The following CREB3L1 variants were observed in gnomAD, a reference collection of about 807,000 sequenced individuals.
CREB3L1 encodes the protein cAMP responsive element binding protein 3 like 1.
CREB3L1 carries 33 observed loss-of-function variants against 54.5 expected under a neutral mutation model. The ratio of observed to expected loss-of-function variants is 0.61; its 90% CI spans 0.46 to 0.81. The LOEUF is 0.81. Among genes scored for constraint, CREB3L1 ranks in the 30% least tolerant of loss-of-function variants. CREB3L1 has a pLI of 0.00. For missense variants in CREB3L1, 656 were observed against 673.3 expected, an observed-to-expected ratio of 0.97 and a Z score of 0.29; for synonymous variants, 284 against 286.4, an observed-to-expected ratio of 0.99 and a Z score of 0.08.
chr11:46,300,198 C>T (rs1414948193), intron 2 of CREB3L1, 35 bp downstream of exon 2: 3 of 1,469,180 alleles, frequency 2.0e-6, no homozygotes, highest in Non-Finnish European at 2.8e-6. Context: ...CAGCACAGGC[C>T]CAGGAGGCCC....
intron 2 of CREB3L1, among the ~76,000 whole-genome samples, chr11:46,307,214 C>G (rs988974322): frequency 6.6e-6 from 1 of 152,072 alleles, no homozygotes; most frequent in Non-Finnish European, 1.5e-5. Context: ...TCCTGAGTAG[C>G]TGGGATTATA....
intron 1 of CREB3L1, among the ~76,000 whole-genome samples, chr11:46,280,000 G>C (rs973980216): frequency 3.9e-5 from 6 of 152,178 alleles, no homozygotes; most frequent in Admixed American, 3.9e-4. Context: ...CCCTGCTGGG[G>C]AGGCTCCTGA....
chr11:46,282,650 A>G (rs1566178685), intron 1 of CREB3L1, among the ~76,000 whole-genome samples: 1 of 152,022 alleles, frequency 6.6e-6, no homozygotes, highest in Non-Finnish European at 1.5e-5. Flanking sequence ...CTCCCTGACT[A>G]CCTAAAGTGG....
intron 2 of CREB3L1, among the ~76,000 whole-genome samples, chr11:46,303,123 AG>A (rs934628531): frequency 6.6e-6 from 1 of 152,222 alleles, no homozygotes; most frequent in African/African-American, 2.4e-5. Flanking sequence ...TTGCCAGTCA[AG>A]AAGGGCAGCC....
At chr11:46,300,944 G>T (rs1297384137) in intron 2 of CREB3L1, among the ~76,000 whole-genome samples, 11 of 147,632 alleles carry the variant, frequency 7.5e-5, no homozygotes, top group Non-Finnish European at 1.2e-4. Context: ...GGCGGAGCTT[G>T]CAGTGAGCCA....
In CREB3L1 at chr11:46,281,973, A is replaced by G. The variant is rs573416466; in HGVS notation, c.102+3760A>G. Among the ~76,000 whole-genome samples, 9 of 152,250 alleles carry G rather than the reference A, an allele frequency of 5.9e-5. 1 individual carries two copies. The South Asian group carries it at 1.9e-3, about 32-fold the overall frequency. On this transcript the variant is annotated intron_variant, in intron 1 of 11. Coordinates refer to ENST00000621158, the MANE Select transcript of CREB3L1 (RefSeq NM_052854.4). ...CCTATTCAGAAAGGAGACCTCTGATACCTACTCTATCAAAACATTAAGTTC... is the reference window on the plus strand; with the variant it reads ...CCTATTCAGAAAGGAGACCTCTGATGCCTACTCTATCAAAACATTAAGTTC...
At chr11:46,289,756 G>A (rs1939105561) in intron 1 of CREB3L1, among the ~76,000 whole-genome samples, 1 of 152,170 alleles carries the variant, frequency 6.6e-6, no homozygotes, top group Admixed American at 6.5e-5. Context: ...AGAAAATGAG[G>A]GGGCTCCAGC....
intron 2 of CREB3L1, among the ~76,000 whole-genome samples, chr11:46,304,949 T>C (rs891543391): frequency 6.6e-6 from 1 of 152,122 alleles, no homozygotes; most frequent in African/African-American, 2.4e-5. Flanking sequence ...TTTGGGAAGA[T>C]TGTGGGTATT....
chr11:46,320,796 G>T lies in CREB3L1; in HGVS notation c.*50G>T. ...GACGGACCCCTGGTACCCAGAAGAG[G>T]AGTTCTTGCTCACTAACCCGGATCC... On this transcript the variant is annotated 3_prime_UTR_variant, in exon 12 of 12. Transcript: ENST00000621158. 1 of 1,592,160 alleles carries T rather than the reference G, an allele frequency of 6.3e-7. No individual in the cohort carries two copies. Among genetic ancestry groups the T allele is most frequent in the Non-Finnish European group, 8.6e-7 (1 of 1,166,714 alleles).
At chr11:46,315,057 T>C in intron 8 of CREB3L1, 1 of 183,640 alleles carries the variant, frequency 5.4e-6, no homozygotes, top group Non-Finnish European at 1.2e-5. Context: ...GAGCCTGTGG[T>C]AGGTCTTTAA....
chr11:46,284,331 C>T (rs534448253), intron 1 of CREB3L1, among the ~76,000 whole-genome samples: 3 of 152,182 alleles, frequency 2.0e-5, no homozygotes, highest in Admixed American at 2.0e-4. Context: ...CAATTTCCCT[C>T]TTCCTTAGTG....
At chr11:46,281,926 G>A (rs1408012337) in intron 1 of CREB3L1, among the ~76,000 whole-genome samples, 1 of 152,122 alleles carries the variant, frequency 6.6e-6, no homozygotes, top group Non-Finnish European at 1.5e-5. Context: ...AAACCTACTG[G>A]AGGAGCCCAA....
intron 10 of CREB3L1, among the ~76,000 whole-genome samples, chr11:46,319,023 T>C (rs1939608417): frequency 6.6e-6 from 1 of 152,140 alleles, no homozygotes; most frequent in Non-Finnish European, 1.5e-5. Context: ...GAGAGCCATG[T>C]GTCTGCTTTT....
chr11:46,301,072 C>T (rs1404947783), intron 2 of CREB3L1, among the ~76,000 whole-genome samples: 2 of 146,600 alleles, frequency 1.4e-5, no homozygotes, highest in East Asian at 2.0e-4. Flanking sequence ...CCCAGCTACT[C>T]GGGAGGCTAA....
At chr11:46,313,333 A>C (rs1329554191) in intron 8 of CREB3L1, among the ~76,000 whole-genome samples, 6 of 152,098 alleles carry the variant, frequency 3.9e-5, no homozygotes, top group African/African-American at 1.4e-4. Flanking sequence ...ACTGGTGTAA[A>C]TCCTTGTTAC....
chr11:46,310,425 G>A lies in CREB3L1; in HGVS notation c.595+358G>A, dbSNP rs182704081. On this transcript the variant is annotated intron_variant, in intron 4 of 11. Coordinates refer to ENST00000621158, the MANE Select transcript of CREB3L1 (RefSeq NM_052854.4). ...TGGGATTACAGGTGCCCACCACCAC[G>A]CCTGGCTAATTTTTGTATTTTTTAG... Among the ~76,000 whole-genome samples, 595 of 151,886 alleles carry A rather than the reference G, an allele frequency of 3.9e-3. 3 individuals carry two copies. Among genetic ancestry groups the A allele is most frequent in the Middle Eastern group, 6.8e-3 (2 of 294 alleles).
Position 46,320,463 on chromosome 11 carries a change from G to A in CREB3L1, c.1458G>A (p.Trp486Ter). 6.2e-7 allele frequency: 1 copy of A among 1,604,212 alleles called. No individual in the cohort carries two copies. Among genetic ancestry groups the A allele is most frequent in the South Asian group, 1.1e-5 (1 of 89,616 alleles). ...HETTKYLSEAWPKDGGNGTSP... is the reference protein window; with the variant it reads ...HETTKYLSEA ...CCACCAAGTACCTGAGTGAGGCCTG[G>A]CCTAAAGACGGTGGAAACGGCACCA... is the stretch of plus-strand genomic sequence containing the variant. The change falls in exon 11 of 12, where the codon TGG becomes TGA. Residue 486 changes from tryptophan (W) to a stop codon, truncating the protein, a stop_gained. Coordinates refer to ENST00000621158, the MANE Select transcript of CREB3L1 (RefSeq NM_052854.4). LOFTEE classifies it high-confidence loss of function.
chr11:46,287,123 G>A (rs1486853271), intron 1 of CREB3L1, among the ~76,000 whole-genome samples: 1 of 152,212 alleles, frequency 6.6e-6, no homozygotes, highest in Non-Finnish European at 1.5e-5. Flanking sequence ...CTTGTCACCT[G>A]TGTGAGCTTG....
intron 2 of CREB3L1, among the ~76,000 whole-genome samples, chr11:46,302,731 C>T (rs1471064884): frequency 6.6e-6 from 1 of 152,158 alleles, no homozygotes; most frequent in African/African-American, 2.4e-5. Flanking sequence ...GCCTGTAATC[C>T]CAGCACTTTG....
Sources: allele counts gnomAD v4.1 joint callset (sites outside exome capture counted in the v4.1 genomes callset), GRCh38; gene constraint gnomAD v4.1.1; transcripts MANE v1.5; gene names NCBI Gene and HGNC (gene_info 2026-07-23, HGNC 2026-07-21).